SMIM41: variants seen among roughly 807,000 people sequenced by gnomAD.
SMIM41 encodes the protein small integral membrane protein 41.
chr12:52,107,754 C>T lies in SMIM41; in HGVS notation c.*571C>T. On this transcript the variant is annotated 3_prime_UTR_variant, in exon 3 of 3. Transcript: ENST00000546390. ...ATTCAGCCATCATGAACCTGTGTTT[C>T]TGTGGCTTCCTAGTTTTGCTGTCTT... The T allele has an allele frequency of 2.5e-6, 1 of 395,068 alleles. No homozygotes were observed. Among genetic ancestry groups the T allele is most frequent in the Non-Finnish European group, 4.9e-6 (1 of 205,498 alleles). The allele number at this position is 395,068 out of a possible 1,614,324, so 24.5% of individuals were successfully genotyped here.
At position 52,107,798 on chromosome 12, in the gene SMIM41, T is replaced by A. The variant is rs1035625133; in HGVS notation, c.*615T>A. The A allele has an allele frequency of 6.7e-5, 25 of 375,134 alleles. No homozygotes were observed. Among genetic ancestry groups the A allele is most frequent in the African/African-American group, 5.3e-4 (25 of 47,202 alleles). The allele number at this position is 375,134 out of a possible 1,614,324, so 23.2% of individuals were successfully genotyped here. A position where few individuals can be genotyped will look rare whatever the true frequency, so the allele number is the denominator to read the frequency against. ...CTGTCTTTTTTTTTTCTCAGTCTTTTAGACTCCCAGCTGTACAACTTGATT... is the reference window on the plus strand; with the variant it reads ...CTGTCTTTTTTTTTTCTCAGTCTTTAAGACTCCCAGCTGTACAACTTGATT... On this transcript the variant is annotated 3_prime_UTR_variant, in exon 3 of 3. Transcript: ENST00000546390.
rs1290319 is a variant in SMIM41 at position 52,080,060 on chromosome 12, A to C, written c.281A>C (p.Ter94SerextTer15). 11,501 of 362,016 alleles carry C rather than the reference A, an allele frequency of 0.032. 219 individuals carry two copies. Among genetic ancestry groups the C allele is most frequent in the Middle Eastern group, 0.062 (86 of 1,376 alleles). 22.4% of individuals were successfully genotyped at this position (362,016 alleles called of 1,614,324 possible). Residue 94 changes from the stop codon to serine, a stop_lost, in exon 1 of 3, where the codon TAG becomes TCG. Coordinates refer to ENST00000546390, the MANE Select transcript of SMIM41 (RefSeq NM_001369216.1). Reference protein sequence around the residue: ...ASGEDGDDDS* With the variant: ...ASGEDGDDDSS ...GGAGAGGACGGCGACGACGACTCCT[A>C]GGCGCCCGGCTGCGCTCGGTGGTCG...
At chr12:52,098,583 C>G (rs549429530) in intron 2 of SMIM41, among the ~76,000 whole-genome samples, 5 of 151,030 alleles carry the variant, frequency 3.3e-5, no homozygotes, top group Non-Finnish European at 7.4e-5. Flanking sequence ...GGAACAATAT[C>G]AGGAAGGGAT....
At chr12:52,095,432 C>T (rs763983921) in intron 2 of SMIM41, among the ~76,000 whole-genome samples, 12 of 152,168 alleles carry the variant, frequency 7.9e-5, no homozygotes, top group South Asian at 2.1e-4. Flanking sequence ...ATGTCTTCTC[C>T]GCCTCTGGAA....
intron 2 of SMIM41, chr12:52,084,750 T>C (rs1939869004): frequency 1.3e-5 from 2 of 152,572 alleles, no homozygotes; most frequent in Admixed American, 6.6e-5. Flanking sequence ...AGTTGGAGCT[T>C]ACCCCAGGAG....
chr12:52,088,005 G>C (rs1017922476), intron 2 of SMIM41, among the ~76,000 whole-genome samples: 1 of 152,168 alleles, frequency 6.6e-6, no homozygotes, highest in African/African-American at 2.4e-5. Flanking sequence ...GAAATCAGCA[G>C]CTCCAGCCTA....
intron 2 of SMIM41, among the ~76,000 whole-genome samples, chr12:52,087,946 T>C (rs1939916952): frequency 6.6e-6 from 1 of 152,182 alleles, no homozygotes; most frequent in Admixed American, 6.5e-5. Context: ...TCCCCTGGGC[T>C]CCCTGCCCTT....
At chr12:52,097,731 A>G (rs1940125393) in intron 2 of SMIM41, among the ~76,000 whole-genome samples, 1 of 151,970 alleles carries the variant, frequency 6.6e-6, no homozygotes, top group South Asian at 2.1e-4. Context: ...CCGTCCATAT[A>G]TTAAGAACAA....
chr12:52,105,448 G>A (rs1202305584), intron 2 of SMIM41, among the ~76,000 whole-genome samples: 1 of 152,144 alleles, frequency 6.6e-6, no homozygotes, highest in Non-Finnish European at 1.5e-5. Context: ...TAAGACCTCT[G>A]AGCTCTGCTT....
intron 2 of SMIM41, among the ~76,000 whole-genome samples, chr12:52,097,565 A>G (rs1940122915): frequency 6.6e-6 from 1 of 152,060 alleles, no homozygotes; most frequent in Non-Finnish European, 1.5e-5. Flanking sequence ...TTCCAGTAAG[A>G]TCATCTTTTC....
intron 2 of SMIM41, among the ~76,000 whole-genome samples, chr12:52,100,417 G>A (rs566642662): frequency 6.6e-6 from 1 of 151,992 alleles, no homozygotes; most frequent in South Asian, 2.1e-4. Flanking sequence ...CAATATCATC[G>A]GGGTGAACAA....
chr12:52,089,770 C>T (rs950503668), intron 2 of SMIM41, among the ~76,000 whole-genome samples: 5 of 152,224 alleles, frequency 3.3e-5, no homozygotes, highest in East Asian at 3.8e-4. Context: ...GTTCTTCCCG[C>T]GTCTCTGTCT....
At chr12:52,092,240 A>G (rs1240267017) in intron 2 of SMIM41, 1 of 152,244 alleles carries the variant, frequency 6.6e-6, no homozygotes, top group Non-Finnish European at 1.5e-5. Flanking sequence ...TACAAACCAA[A>G]CGTTACAAGA....
At chr12:52,104,154 C>T (rs1227777077) in intron 2 of SMIM41, 1 of 152,094 alleles carries the variant, frequency 6.6e-6, no homozygotes, top group Non-Finnish European at 1.5e-5. Flanking sequence ...GTGAATAATA[C>T]ACACCAGCTT....
chr12:52,107,252 A>G (rs1592334410), intron 2 of SMIM41, 127 bp from the exon 3 acceptor site: 1 of 383,418 alleles, frequency 2.6e-6, no homozygotes, highest in East Asian at 6.9e-5. Context: ...TGTATCCAAA[A>G]TGCAGACACA....
rs1940132845 is a variant in SMIM41 at position 52,098,004 on chromosome 12, C to T, written c.*196-9375C>T. 2.0e-5 allele frequency among the ~76,000 whole-genome samples: 3 copies of T among 150,540 alleles called. No individual in the cohort carries two copies. The South Asian group carries it at 6.4e-4, about 32-fold the overall frequency. On this transcript the variant is annotated intron_variant, in intron 2 of 2. Transcript: ENST00000546390. ...ACACAGGGGTAACGTACACCCACTG[C>T]TTTATTGGGAGAAGTATCATCCTCT...
chr12:52,085,704 A>G (rs979425983), intron 2 of SMIM41, among the ~76,000 whole-genome samples: 1 of 145,850 alleles, frequency 6.9e-6, no homozygotes, highest in Non-Finnish European at 1.5e-5. Context: ...GAGAGTATGG[A>G]ATGTTCTAGA....
chr12:52,100,386 C>T (rs1366506091), intron 2 of SMIM41, among the ~76,000 whole-genome samples: 1 of 152,158 alleles, frequency 6.6e-6, no homozygotes, highest in African/African-American at 2.4e-5. Context: ...ATCATACTCT[C>T]CTTCCCTGGA....
intron 2 of SMIM41, among the ~76,000 whole-genome samples, chr12:52,100,931 T>A (rs1258728603): frequency 6.6e-6 from 1 of 152,182 alleles, no homozygotes; most frequent in Non-Finnish European, 1.5e-5. Flanking sequence ...ATTTTAAAAA[T>A]ATTTGCTTTT....
Sources: allele counts gnomAD v4.1 joint callset (sites outside exome capture counted in the v4.1 genomes callset), GRCh38; gene constraint gnomAD v4.1.1; transcripts MANE v1.5; gene names NCBI Gene and HGNC (gene_info 2026-07-23, HGNC 2026-07-21).